The following EMP2 variants were observed in gnomAD, a reference collection of about 807,000 sequenced individuals.
EMP2 encodes epithelial membrane protein 2.
Under a neutral mutation model 13.7 loss-of-function variants are expected in EMP2, and 19 were observed. The observed-to-expected ratio is 1.38, with a 90% confidence interval of 0.97 to 2.03. EMP2 has a LOEUF of 2.03. EMP2 is among the 30% of genes most tolerant of loss of function. The probability of loss-of-function intolerance (pLI) is 0.00; values close to 1 mark genes in which losing one functional copy is unlikely to be tolerated. For missense variants in EMP2, 253 were observed against 220.7 expected, an observed-to-expected ratio of 1.15 and a Z score of -0.93; for synonymous variants, 97 against 84.7, an observed-to-expected ratio of 1.15 and a Z score of -0.80.
chr16:10,550,131 C>A (rs1483958580), intron 1 of EMP2, among the ~76,000 whole-genome samples: 1 of 152,168 alleles, frequency 6.6e-6, no homozygotes, highest in Non-Finnish European at 1.5e-5. Flanking sequence ...GGTGATCCGC[C>A]TGCCTCGGCC....
chr16:10,552,488 C>T (rs1875932), intron 1 of EMP2, among the ~76,000 whole-genome samples: 9,559 of 152,160 alleles, frequency 0.063, 1,019 homozygotes, highest in African/African-American at 0.22. Flanking sequence ...ACTGAGTTCA[C>T]CAAGGAAAAG....
Position 10,571,857 on chromosome 16 carries a change from C to T in EMP2, c.-61+8692G>A, listed in dbSNP as rs778374170. Reference sequence around the variant, plus strand: ...GCTTCCACTGTAAGCCAGTGATGGGCGGTAGTGGTGTATACTGAGAGGCCA... The same window carrying T: ...GCTTCCACTGTAAGCCAGTGATGGGTGGTAGTGGTGTATACTGAGAGGCCA... On this transcript the variant is annotated intron_variant, in intron 1 of 4. Transcript: ENST00000359543. 1.2e-3 allele frequency among the ~76,000 whole-genome samples: 178 copies of T among 152,274 alleles called. 1 individual carries two copies. The highest frequency in any genetic ancestry group is 1.9e-3 in the Non-Finnish European group (128 of 68,024).
intron 2 of EMP2, 136 bp from the exon 3 acceptor site, chr16:10,543,796 A>G: frequency 1.3e-6 from 1 of 780,868 alleles, no homozygotes; most frequent in South Asian, 1.6e-5. Context: ...TGAGGAGCTT[A>G]TTCTAATGCA....
chr16:10,578,833 C>G (rs981517461), intron 1 of EMP2, among the ~76,000 whole-genome samples: 1 of 152,252 alleles, frequency 6.6e-6, no homozygotes, highest in East Asian at 1.9e-4. Context: ...CTGCACCTTC[C>G]TGCCACCTCC....
rs2050573333 is a variant in EMP2 at position 10,528,566 on chromosome 16, G to C, written c.*4339C>G. 1 of 152,168 alleles carries C rather than the reference G, an allele frequency of 6.6e-6. No individual in the cohort carries two copies. The highest frequency in any genetic ancestry group is 2.4e-5 in the African/African-American group (1 of 41,436). 9.4% of individuals were successfully genotyped at this position (152,168 alleles called of 1,614,324 possible). On this transcript the variant is annotated 3_prime_UTR_variant, in exon 5 of 5. Coordinates refer to ENST00000359543, the MANE Select transcript of EMP2 (RefSeq NM_001424.6). ...TCACCGTTGGGAACATTAGAGTCTT[G>C]CTCTGGGCAATCTGGTTTTAAACTT...
chr16:10,543,575 A>C lies in EMP2; in HGVS notation c.164T>G (p.Phe55Cys), dbSNP rs767706976. The change falls in exon 3 of 5, where the codon TTT becomes TGT. Residue 55 changes from phenylalanine (F) to cysteine (C), a missense_variant. Coordinates refer to ENST00000359543, the MANE Select transcript of EMP2 (RefSeq NM_001424.6). ...CTTCCTTCATTCACACTTACCTTGA[A>C]AGCTGTCATTGATGACTGTGCAATT... ...NTNCTVINDS[F>C]QEYSTLQAVQ... The C allele has an allele frequency of 6.2e-7, 1 of 1,614,236 alleles. No individual in the cohort carries two copies. The highest frequency in any genetic ancestry group is 1.1e-5 in the South Asian group (1 of 91,086).
chr16:10,528,982 G>C lies in EMP2; in HGVS notation c.*3923C>G, dbSNP rs2050576459. 6.6e-6 allele frequency: 1 copy of C among 152,078 alleles called. No individual in the cohort carries two copies. Among genetic ancestry groups the C allele is most frequent in the Non-Finnish European group, 1.5e-5 (1 of 68,024 alleles). 9.4% of individuals were successfully genotyped at this position (152,078 alleles called of 1,614,324 possible). A position where few individuals can be genotyped will look rare whatever the true frequency, so the allele number is the denominator to read the frequency against. On this transcript the variant is annotated 3_prime_UTR_variant, in exon 5 of 5. Coordinates refer to ENST00000359543, the MANE Select transcript of EMP2 (RefSeq NM_001424.6). Reference sequence around the variant, plus strand: ...AAGCACGCAAACTATAGCAGAGTGTGTGGGAGTGAATAGGTCTCCGATGTT... The same window carrying C: ...AAGCACGCAAACTATAGCAGAGTGTCTGGGAGTGAATAGGTCTCCGATGTT...
intron 1 of EMP2, among the ~76,000 whole-genome samples, chr16:10,548,501 T>C (rs2050757049): frequency 6.6e-6 from 1 of 152,128 alleles, no homozygotes; most frequent in Non-Finnish European, 1.5e-5. Context: ...GAGACCAGCT[T>C]GGGCAACAGA....
At chr16:10,571,117 C>T (rs533715062) in intron 1 of EMP2, among the ~76,000 whole-genome samples, 7 of 151,748 alleles carry the variant, frequency 4.6e-5, no homozygotes, top group African/African-American at 9.7e-5. Context: ...ATTAGCTGGG[C>T]GTGGTGGTGT....
intron 1 of EMP2, among the ~76,000 whole-genome samples, chr16:10,554,589 C>T (rs2050813625): frequency 2.0e-5 from 3 of 152,154 alleles, no homozygotes; most frequent in Non-Finnish European, 4.4e-5. Flanking sequence ...GTCCACCAAG[C>T]CCAGGGTGGC....
At position 10,532,876 on chromosome 16, in the gene EMP2, T is replaced by C. The variant is rs771411857; in HGVS notation, c.*29A>G. ...GGTTATCTGAATGTGGATTCTGTAC[T>C]GCAGCAGAAGCAACCCAGCTCCGGA... On this transcript the variant is annotated 3_prime_UTR_variant, in exon 5 of 5. Coordinates refer to ENST00000359543, the MANE Select transcript of EMP2 (RefSeq NM_001424.6). 5 of 1,401,552 alleles carry C rather than the reference T, an allele frequency of 3.6e-6. No homozygotes were observed. In the South Asian group the frequency reaches 5.6e-5, roughly 16 times the overall value. 86.8% of individuals were successfully genotyped at this position (1,401,552 alleles called of 1,614,324 possible). A position where few individuals can be genotyped will look rare whatever the true frequency, so the allele number is the denominator to read the frequency against.
intron 3 of EMP2, among the ~76,000 whole-genome samples, chr16:10,542,953 C>A (rs552560640): frequency 2.6e-5 from 4 of 152,250 alleles, no homozygotes; most frequent in South Asian, 2.1e-4. Flanking sequence ...TCAAGCAATT[C>A]TCTTGCTTCA....
intron 1 of EMP2, among the ~76,000 whole-genome samples, chr16:10,549,738 C>G (rs541687404): frequency 2.0e-5 from 3 of 151,630 alleles, no homozygotes; most frequent in Non-Finnish European, 4.4e-5. Context: ...CTCACACACA[C>G]ACACACACAC....
intron 1 of EMP2, among the ~76,000 whole-genome samples, chr16:10,572,436 G>C (rs373343279): frequency 1.6e-4 from 24 of 149,658 alleles, no homozygotes; most frequent in East Asian, 5.8e-4. Context: ...GACCCAGCGA[G>C]ATCCTGTCTC....
In EMP2 at chr16:10,537,987, A is replaced by T. The variant is rs1178234894; in HGVS notation, c.257T>A (p.Leu86His). 2 of 1,614,080 alleles carry T rather than the reference A, an allele frequency of 1.2e-6. No individual in the cohort carries two copies. The highest frequency in any genetic ancestry group is 1.7e-6 in the Non-Finnish European group (2 of 1,180,006). Residue 86 changes from leucine (L) to histidine (H), a missense_variant, in exon 4 of 5, where the codon CTC (leucine) becomes CAC (histidine). Leu to His is a moderately conservative substitution (Grantham distance 99). Transcript: ENST00000359543. ...CCTCTCTCCCTGCTTCAGGCGGAAG[A>T]GCTGGAGCACGAAGATGAAGAAGGC... ...CIAFFIFVLQ[L>H]FRLKQGERFV...
chr16:10,550,213 G>T (rs1218222559), intron 1 of EMP2, among the ~76,000 whole-genome samples: 1 of 151,976 alleles, frequency 6.6e-6, no homozygotes, highest in African/African-American at 2.4e-5. Flanking sequence ...ACCACACTAT[G>T]ATGATCACAA....
At chr16:10,545,878 TC>T (rs1336957288) in intron 2 of EMP2, 3 of 151,878 alleles carry the variant, frequency 2.0e-5, no homozygotes, top group Non-Finnish European at 4.4e-5. Flanking sequence ...AGCAATGTGG[TC>T]CCTGCCCAGG....
intron 1 of EMP2, among the ~76,000 whole-genome samples, chr16:10,555,786 C>T (rs912367665): frequency 6.6e-6 from 1 of 152,072 alleles, no homozygotes. Flanking sequence ...GGGGTTTCTC[C>T]ATGTTAGTCA....
chr16:10,560,527 T>C (rs2050863744), intron 1 of EMP2, among the ~76,000 whole-genome samples: 1 of 152,210 alleles, frequency 6.6e-6, no homozygotes, highest in African/African-American at 2.4e-5. Flanking sequence ...TCTTTAAAAA[T>C]GAAGCAGTTA....
Sources: allele counts gnomAD v4.1 joint callset (sites outside exome capture counted in the v4.1 genomes callset), GRCh38; gene constraint gnomAD v4.1.1; transcripts MANE v1.5; gene names NCBI Gene and HGNC (gene_info 2026-07-23, HGNC 2026-07-21).